Variants in AFF4 observed in about 807,000 individuals in gnomAD.
AFF4 encodes AF4/FMR2 family member 4.
Under a neutral mutation model 124.8 loss-of-function variants are expected in AFF4, and 13 were observed. The observed-to-expected ratio is 0.10, with a 90% CI of 0.07 to 0.17. The LOEUF is 0.17. Among genes scored for constraint, AFF4 ranks in the 10% least tolerant of loss-of-function variants. The pLI, the probability that AFF4 is intolerant of heterozygous loss-of-function variation, is 1.00. For synonymous variants in AFF4, 477 were observed against 496.1 expected (o/e 0.96, Z 0.51); for missense variants, 1,092 against 1,403.8 (o/e 0.78, Z 3.55).
intron 16 of AFF4, 106 bp from the exon 17 acceptor site, chr5:132,887,698 A>G (rs1760149775): frequency 1.3e-6 from 2 of 1,502,876 alleles, no homozygotes; most frequent in Admixed American, 1.8e-5. Flanking sequence ...AATAAAAGCA[A>G]AAATACTCAT....
At chr5:132,887,487 G>A in intron 17 of AFF4, 34 bp downstream of exon 17, 1 of 1,563,600 alleles carries the variant, frequency 6.4e-7, no homozygotes, top group Non-Finnish European at 8.8e-7. Flanking sequence ...AGAACTTCCT[G>A]TATCTAGCAG....
intron 1 of AFF4, among the ~76,000 whole-genome samples, chr5:132,942,558 G>A (rs989824694): frequency 6.6e-6 from 1 of 151,564 alleles, no homozygotes; most frequent in African/African-American, 2.4e-5. Context: ...TTCGCCTGCC[G>A]GATTCAAGTG....
chr5:132,949,850 A>C (rs1183056438), intron 1 of AFF4, among the ~76,000 whole-genome samples: 1 of 54,476 alleles, frequency 1.8e-5, no homozygotes, highest in Non-Finnish European at 3.6e-5. Flanking sequence ...TCTGTCTCAA[A>C]AAAAAAAAAA....
chr5:132,921,797 C>G (rs1268279641), intron 5 of AFF4, among the ~76,000 whole-genome samples: 2 of 151,876 alleles, frequency 1.3e-5, no homozygotes, highest in Non-Finnish European at 1.5e-5. Context: ...TTCTTTCCCC[C>G]CCAGAGAGAG....
chr5:132,949,723 G>GT (rs1554078715), intron 1 of AFF4, among the ~76,000 whole-genome samples: 1 of 150,468 alleles, frequency 6.6e-6, no homozygotes, highest in Non-Finnish European at 1.5e-5. Flanking sequence ...CGCGCCAGGC[G>GT]TGAGGGTGAG....
intron 8 of AFF4, 38 bp from the exon 9 acceptor site, chr5:132,899,179 A>C (rs1208594041): frequency 6.3e-7 from 1 of 1,581,470 alleles, no homozygotes; most frequent in Non-Finnish European, 8.7e-7. Flanking sequence ...GTGAATGAAT[A>C]AACAGTATTC....
intron 1 of AFF4, among the ~76,000 whole-genome samples, chr5:132,945,890 G>A (rs557877471): frequency 2.0e-5 from 3 of 151,812 alleles, no homozygotes; most frequent in Admixed American, 6.6e-5. Context: ...GAAAAACCCC[G>A]TCTCTACTAA....
At chr5:132,882,716 A>C (rs1354700445) in intron 20 of AFF4, among the ~76,000 whole-genome samples, 1 of 151,646 alleles carries the variant, frequency 6.6e-6, no homozygotes, top group Non-Finnish European at 1.5e-5. Context: ...TTAGCCGGGC[A>C]TGGTGGCGGG....
intron 1 of AFF4, among the ~76,000 whole-genome samples, chr5:132,961,686 C>T (rs1762085163): frequency 1.3e-5 from 2 of 152,170 alleles, no homozygotes; most frequent in African/African-American, 4.8e-5. Context: ...CACTCCCAAA[C>T]TGTAGATCAT....
chr5:132,910,194 G>A (rs760988287), intron 5 of AFF4, among the ~76,000 whole-genome samples: 1 of 152,148 alleles, frequency 6.6e-6, no homozygotes, highest in African/African-American at 2.4e-5. Flanking sequence ...AACAAAAGGA[G>A]TGACTGATGA....
At chr5:132,950,276 G>A (rs1761810532) in intron 1 of AFF4, among the ~76,000 whole-genome samples, 2 of 152,072 alleles carry the variant, frequency 1.3e-5, no homozygotes, top group African/African-American at 4.8e-5. Context: ...GGGAGTTCGA[G>A]ACCAGCCTGA....
chr5:132,900,536 G>C (rs1760525579), intron 7 of AFF4, among the ~76,000 whole-genome samples: 1 of 152,074 alleles, frequency 6.6e-6, no homozygotes, highest in Non-Finnish European at 1.5e-5. Context: ...CTCCAGCCTA[G>C]GCGACAGAGC....
chr5:132,903,188 T>C (rs12515756), intron 6 of AFF4, among the ~76,000 whole-genome samples: 17,499 of 152,244 alleles, frequency 0.11, 1,272 homozygotes, highest in South Asian at 0.2. Flanking sequence ...CTCTGGCCTA[T>C]AGTTAGCTAT....
At chr5:132,894,510 G>C (rs971848894) in intron 11 of AFF4, among the ~76,000 whole-genome samples, 9 of 152,136 alleles carry the variant, frequency 5.9e-5, no homozygotes, top group Non-Finnish European at 1.2e-4. Context: ...CATAACAAAA[G>C]AATCTGTTCC....
intron 7 of AFF4, among the ~76,000 whole-genome samples, chr5:132,901,830 G>C (rs1230939683): frequency 6.6e-6 from 1 of 152,058 alleles, no homozygotes; most frequent in African/African-American, 2.4e-5. Flanking sequence ...CAGAGCAAAG[G>C]TGGGCAAACT....
Position 132,889,176 on chromosome 5 carries a change from G to T in AFF4, c.2638-3C>A. ...GAGGAGCTACTTGGAGCCTTTTCCT[G>T]ACCAAAAAAATATATAACTACAATG... On this transcript the variant is annotated splice_polypyrimidine_tract_variant and splice_region_variant and intron_variant, in intron 13 of 20. Coordinates refer to ENST00000265343, the MANE Select transcript of AFF4 (RefSeq NM_014423.4). 1.2e-6 allele frequency: 2 copies of T among 1,603,044 alleles called. No homozygotes were observed. The highest frequency in any genetic ancestry group is 2.2e-5 in the South Asian group (2 of 90,466).
rs1760957561 is a variant in AFF4, at chr5:132,918,112, G to T, written c.1050+9009C>A. ...AATAGCACTAAAAAAATCAAACAGGGCCGGGTACTGTGGCTCATGCCTGTA... is the reference window on the plus strand; with the variant it reads ...AATAGCACTAAAAAAATCAAACAGGTCCGGGTACTGTGGCTCATGCCTGTA... On this transcript the variant is annotated intron_variant, in intron 5 of 20. Coordinates refer to ENST00000265343, the MANE Select transcript of AFF4 (RefSeq NM_014423.4). Among the ~76,000 whole-genome samples, 3 of 151,940 alleles carry T rather than the reference G, an allele frequency of 2.0e-5. No homozygotes were observed. In the South Asian group the frequency reaches 6.2e-4, roughly 31 times the overall value.
Position 132,887,580 on chromosome 5 carries a change from C to T in AFF4, c.2946G>A (p.Lys982=), listed in dbSNP as rs1448778496. 1.3e-5 allele frequency: 21 copies of T among 1,613,292 alleles called. No individual in the cohort carries two copies. The highest frequency in any genetic ancestry group is 2.7e-5 in the African/African-American group (2 of 74,916). The part of the protein sequence containing the change: ...ETVDLIKYTM[K]LKNYLAPDAT... ...CATCTGGTGCCAAGTAATTCTTTAG[C>T]TTCATAGTGTATCTGTTGAGTTACA... The change falls in exon 17 of 21, where the codon AAG becomes AAA. Residue 982 remains lysine, a synonymous_variant. Coordinates refer to ENST00000265343, the MANE Select transcript of AFF4 (RefSeq NM_014423.4).
At position 132,908,117 on chromosome 5, in the gene AFF4, CT is replaced by C. The variant is rs34166509; in HGVS notation, c.1051-3714del. On this transcript the variant is annotated intron_variant, in intron 5 of 20. Coordinates refer to ENST00000265343, the MANE Select transcript of AFF4 (RefSeq NM_014423.4). ...CAGCTTAAACAAGTTTGTCTTCCAG[CT>C]TTTTTTTTTTTAATCATATACTCCA... Among the ~76,000 whole-genome samples the C allele has an allele frequency of 4.2e-3, 595 of 142,826 alleles. 3 individuals carry two copies. Among genetic ancestry groups the C allele is most frequent in the Middle Eastern group, 0.011 (3 of 274 alleles). 93.7% of individuals were successfully genotyped at this position (142,826 alleles called of 152,430 possible). A position where few individuals can be genotyped will look rare whatever the true frequency, so the allele number is the denominator to read the frequency against.
Sources: allele counts gnomAD v4.1 joint callset (sites outside exome capture counted in the v4.1 genomes callset), GRCh38; gene constraint gnomAD v4.1.1; transcripts MANE v1.5; gene names NCBI Gene and HGNC (gene_info 2026-07-23, HGNC 2026-07-21).